Variants in NEB observed in about 807,000 individuals in gnomAD.
NEB encodes the protein nebulin, also known as nemaline myopathy type 2.
NEB carries 512 observed loss-of-function variants against 952.2 expected under a neutral mutation model. The observed-to-expected ratio is 0.54, with a 90% CI of 0.50 to 0.58. The LOEUF is 0.58. NEB is among the 20% of genes least tolerant of loss of function. NEB has a pLI of 0.00. For missense variants in NEB, 8,428 were observed against 9,231.1 expected, an observed-to-expected ratio of 0.91 and a Z score of 3.56; for synonymous variants, 2,900 against 3,149.8, an observed-to-expected ratio of 0.92 and a Z score of 2.66.
At chr2:151,650,057 T>G (rs2099013917) in intron 54 of NEB, 119 bp downstream of exon 54, 1 of 904,156 alleles carries the variant, frequency 1.1e-6, no homozygotes, top group Admixed American at 2.4e-5. Context: ...AATATAAAAT[T>G]TTATGTGGTG....
At chr2:151,630,542 T>C (rs1056088004) in intron 67 of NEB, among the ~76,000 whole-genome samples, 173 bp downstream of exon 67, 5 of 152,200 alleles carry the variant, frequency 3.3e-5, no homozygotes, top group Non-Finnish European at 7.4e-5. Flanking sequence ...TGACTTCAGT[T>C]TGCCAGTGGA....
In NEB at chr2:151,610,502, T is replaced by C. The variant is rs369040645; in HGVS notation, c.12018+14A>G. 64 of 1,580,226 alleles carry C rather than the reference T, an allele frequency of 4.1e-5. No individual in the cohort carries two copies. The highest frequency in any genetic ancestry group is 5.2e-5 in the Non-Finnish European group (60 of 1,149,522). The stretch of plus-strand genomic sequence containing the variant: ...ACAGTGGAGACCACAGAGAGTTAGA[T>C]GGAAGGTACTCACGTCACTGGCGAT... On this transcript the variant is annotated intron_variant, in intron 80 of 181. Transcript: ENST00000397345.
intron 51 of NEB, 34 bp from the exon 52 acceptor site, chr2:151,654,133 G>T: frequency 1.4e-6 from 2 of 1,388,656 alleles, no homozygotes; most frequent in Non-Finnish European, 2.0e-6. Flanking sequence ...GCATTATTCT[G>T]TCTATATAAA....
Position 151,650,223 on chromosome 2 carries a change from C to A in NEB, c.7384G>T (p.Ala2462Ser). 4 of 1,613,908 alleles carry A rather than the reference C, an allele frequency of 2.5e-6. No homozygotes were observed. The highest frequency in any genetic ancestry group is 3.4e-6 in the Non-Finnish European group (4 of 1,179,850). The change falls in exon 54 of 182, where the codon GCC (alanine) becomes TCC (serine). Residue 2462 changes from alanine (A) to serine (S), a missense_variant. Ala to Ser is a moderately conservative substitution (Grantham distance 99). Transcript: ENST00000397345. Reference protein sequence around the residue: ...DRNKFTSIPDAMDIVLAKTNA... With the variant: ...DRNKFTSIPDSMDIVLAKTNA... ...GTCTTTGCCAGAACTATATCCATGGCATCAGGAATGCTGGTGAACTTGTTT... is the reference window on the plus strand; with the variant it reads ...GTCTTTGCCAGAACTATATCCATGGAATCAGGAATGCTGGTGAACTTGTTT...
chr2:151,661,931 AG>A (rs1233600607), intron 46 of NEB, among the ~76,000 whole-genome samples: 1 of 152,202 alleles, frequency 6.6e-6, no homozygotes, highest in African/African-American at 2.4e-5. Flanking sequence ...TCAATGAGAT[AG>A]GATGGTTCAT....
chr2:151,684,360 T>A (rs2099469562), intron 28 of NEB, among the ~76,000 whole-genome samples: 1 of 152,198 alleles, frequency 6.6e-6, no homozygotes, highest in Non-Finnish European at 1.5e-5. Context: ...TATTTTCTTT[T>A]CAGATAGTAA....
At position 151,650,633 on chromosome 2, in the gene NEB, A is replaced by AT. The variant is rs771696230; in HGVS notation, c.7167dup (p.Cys2390MetfsTer4). On this transcript the variant is annotated frameshift_variant, in exon 53 of 182. Coordinates refer to ENST00000397345, the MANE Select transcript of NEB (RefSeq NM_001164508.2). LOFTEE classifies it high-confidence loss of function. ...ACAACATCGTTCTGATCAGGCAGACATGTCCACTGATGCAGGTAGTTCTTG... is the reference window on the plus strand; with the variant it reads ...ACAACATCGTTCTGATCAGGCAGACATTGTCCACTGATGCAGGTAGTTCTTG... The AT allele has an allele frequency of 1.2e-6, 2 of 1,611,860 alleles. No homozygotes were observed.
chr2:151,539,877 C>G (rs117763518), intron 138 of NEB, among the ~76,000 whole-genome samples: 1 of 152,164 alleles, frequency 6.6e-6, no homozygotes, highest in African/African-American at 2.4e-5. Flanking sequence ...GCATGCTAGA[C>G]ACTTATACAT....
At position 151,696,599 on chromosome 2, in the gene NEB, C is replaced by T. The variant is rs76127015; in HGVS notation, c.1569+38G>A. The T allele has an allele frequency of 3.4e-3, 4,880 of 1,453,282 alleles. 103 individuals are homozygous for T. The East Asian group carries it at 0.055, about 16-fold the overall frequency. The allele number at this position is 1,453,282 out of a possible 1,614,324, so 90.0% of individuals were successfully genotyped here. A position where few individuals can be genotyped will look rare whatever the true frequency, so the allele number is the denominator to read the frequency against. ...TGTATAGAGTTATGAAATGTTATCC[C>T]TCATAATTGGGTGTCCTGAGTAGTT... On this transcript the variant is annotated intron_variant, in intron 17 of 181. Coordinates refer to ENST00000397345, the MANE Select transcript of NEB (RefSeq NM_001164508.2).
chr2:151,507,912 A>AC lies in NEB; in HGVS notation c.23451+92dup, dbSNP rs1441957488. ...GATGGGAGTTGTGGAGGGCTGCACAACAGCCCCACTGCAAGCCTGGGATAT... is the reference window on the plus strand; with the variant it reads ...GATGGGAGTTGTGGAGGGCTGCACAACCAGCCCCACTGCAAGCCTGGGATAT... On this transcript the variant is annotated intron_variant, in intron 162 of 181. Coordinates refer to ENST00000397345, the MANE Select transcript of NEB (RefSeq NM_001164508.2). The AC allele has an allele frequency of 3.5e-6, 3 of 845,742 alleles. No homozygotes were observed. The African/African-American group carries it at 5.0e-5, about 14-fold the overall frequency. The allele number at this position is 845,742 out of a possible 1,614,324, so 52.4% of individuals were successfully genotyped here. A position where few individuals can be genotyped will look rare whatever the true frequency, so the allele number is the denominator to read the frequency against.
At chr2:151,534,352 G>C (rs769776165) in intron 142 of NEB, 3 of 1,571,016 alleles carry the variant, frequency 1.9e-6, no homozygotes, top group Non-Finnish European at 1.7e-6. Context: ...TATAGCAAGA[G>C]TACAACTTCA....
chr2:151,578,889 C>A (rs528149253), intron 105 of NEB, among the ~76,000 whole-genome samples: 1 of 151,828 alleles, frequency 6.6e-6, no homozygotes, highest in East Asian at 2.0e-4. Flanking sequence ...CAAAACCAGC[C>A]TGGCCAAGAT....
chr2:151,577,906 T>G (rs1275749778), intron 105 of NEB, among the ~76,000 whole-genome samples: 3 of 152,188 alleles, frequency 2.0e-5, no homozygotes, highest in Non-Finnish European at 2.9e-5. Flanking sequence ...TCTTCTTTAT[T>G]CACCATGGTA....
intron 66 of NEB, 80 bp downstream of exon 66, chr2:151,631,063 A>G (rs899312667): frequency 7.1e-6 from 11 of 1,548,560 alleles, no homozygotes; most frequent in East Asian, 4.5e-5. Flanking sequence ...GCCTTCATAG[A>G]TAATTTAGAC....
At chr2:151,728,349 T>A (rs551705849) in intron 4 of NEB, among the ~76,000 whole-genome samples, 1 of 152,196 alleles carries the variant, frequency 6.6e-6, no homozygotes, top group Non-Finnish European at 1.5e-5. Context: ...TATTAACTTG[T>A]AAATGACTAA....
At position 151,666,190 on chromosome 2, in the gene NEB, G is replaced by A; in HGVS notation, c.4931C>T (p.Ala1644Val). The stretch of plus-strand genomic sequence containing the variant: ...TGACTGTCTGTAGTTGGCGTTGGTG[G>A]CAACCTCCTGAGATTTCTTTGCAGC... ...VTAAKKSQEV[A>V]TNANYRQSYH... The change falls in exon 41 of 182, where the codon GCC becomes GTC. Residue 1644 changes from alanine to valine, a missense_variant. Coordinates refer to ENST00000397345, the MANE Select transcript of NEB (RefSeq NM_001164508.2). 6.2e-7 allele frequency: 1 copy of A among 1,613,934 alleles called. No homozygotes were observed. Among genetic ancestry groups the A allele is most frequent in the Non-Finnish European group, 8.5e-7 (1 of 1,179,858 alleles).
chr2:151,611,859 G>GT (rs2097983264), intron 78 of NEB, among the ~76,000 whole-genome samples: 1 of 152,196 alleles, frequency 6.6e-6, no homozygotes, highest in Admixed American at 6.5e-5. Flanking sequence ...CTAAAGACAC[G>GT]TAAGTGGCCT....
chr2:151,527,415 T>A (rs781066115), intron 147 of NEB, 66 bp downstream of exon 147: 74 of 1,172,092 alleles, frequency 6.3e-5, no homozygotes, highest in Non-Finnish European at 9.0e-5. Context: ...TTATTATAAA[T>A]AATTATTCAT....
chr2:151,496,317 C>G lies in NEB; in HGVS notation c.24445G>C (p.Glu8149Gln). 6.2e-7 allele frequency: 1 copy of G among 1,612,240 alleles called. No individual in the cohort carries two copies. The highest frequency in any genetic ancestry group is 1.1e-5 in the South Asian group (1 of 90,696). The change falls in exon 173 of 182, where the codon GAG becomes CAG. Residue 8149 changes from glutamate (E) to glutamine (Q), a missense_variant. By Grantham distance (29) the Glu-to-Gln change is conservative. Transcript: ENST00000397345. ...GKGTPLAVTP[E>Q]MERVKHNQEN... The stretch of plus-strand genomic sequence containing the variant: ...TGATTGTGTTTGACTCGCTCCATCT[C>G]GGGAGTGACAGCTAAAGGAGTTCCC...
Sources: gnomAD v4.1 joint callset for allele counts (sites outside exome capture counted in the v4.1 genomes callset) on GRCh38, gnomAD v4.1.1 for gene constraint, MANE v1.5 for transcripts, NCBI Gene and HGNC (gene_info 2026-07-23, HGNC 2026-07-21) for gene names.